The following NEMP1 variants were observed in gnomAD, a reference collection of about 807,000 sequenced individuals.
NEMP1 encodes the protein transmembrane protein 194.
NEMP1 carries 29 observed loss-of-function variants against 53.7 expected under a neutral mutation model. The ratio of observed to expected loss-of-function variants is 0.54; its 90% CI spans 0.40 to 0.74. NEMP1 has a LOEUF of 0.74. NEMP1 is among the 30% of genes least tolerant of loss of function. The pLI, the probability that NEMP1 is intolerant of heterozygous loss-of-function variation, is 0.00. For synonymous variants in NEMP1, 193 were observed against 192.9 expected, an observed-to-expected ratio of 1.00 and a Z score of 0.00; for missense variants, 477 against 528.6, an observed-to-expected ratio of 0.90 and a Z score of 0.96.
Position 57,060,165 on chromosome 12 carries a change from T to G in NEMP1, c.1155-106A>C, listed in dbSNP as rs1006275533. The G allele has an allele frequency of 9.7e-6, 10 of 1,034,156 alleles. No individual in the cohort carries two copies. In the Admixed American group the frequency reaches 2.3e-4, roughly 23 times the overall value. The allele number at this position is 1,034,156 out of a possible 1,614,324, so 64.1% of individuals were successfully genotyped here. A position where few individuals can be genotyped will look rare whatever the true frequency, so the allele number is the denominator to read the frequency against. On this transcript the variant is annotated intron_variant, in intron 8 of 8. Coordinates refer to ENST00000300128, the MANE Select transcript of NEMP1 (RefSeq NM_001130963.2). ...CCCTCGATATGCTCGCAACTCAAATTATATTAAGTCTAGCCAACATCCTTG... is the reference window on the plus strand; with the variant it reads ...CCCTCGATATGCTCGCAACTCAAATGATATTAAGTCTAGCCAACATCCTTG...
At position 57,061,940 on chromosome 12, in the gene NEMP1, G is replaced by A. The variant is rs541188562; in HGVS notation, c.981-995C>T. ...CTTAAACCCAGGAGGCAGAGGTTGC[G>A]GTGAGCTGAGATAGCACCACTGCAC... On this transcript the variant is annotated intron_variant, in intron 7 of 8. Coordinates refer to ENST00000300128, the MANE Select transcript of NEMP1 (RefSeq NM_001130963.2). Among the ~76,000 whole-genome samples the A allele has an allele frequency of 1.5e-3, 230 of 151,338 alleles. 1 individual carries two copies. Among genetic ancestry groups the A allele is most frequent in the Middle Eastern group, 0.01 (3 of 288 alleles).
In NEMP1 at chr12:57,078,687, G is replaced by A. The variant is rs1484229272; in HGVS notation, c.59C>T (p.Ser20Leu). 5.0e-6 allele frequency: 8 copies of A among 1,613,316 alleles called. No homozygotes were observed. Among genetic ancestry groups the A allele is most frequent in the South Asian group, 1.1e-5 (1 of 90,938 alleles). ...SPAVGPGPWG[S>L]GVGGGGTVRL... Reference sequence around the variant, plus strand: ...CACTGTCCCACCGCCCCCGACTCCCGAGCCCCAGGGCCCGGGACCAACTGC... The same window carrying A: ...CACTGTCCCACCGCCCCCGACTCCCAAGCCCCAGGGCCCGGGACCAACTGC... Residue 20 changes from serine to leucine, a missense_variant, in exon 1 of 9, where the codon TCG (serine) becomes TTG (leucine). Physicochemically the swap from Ser to Leu is moderately radical, Grantham distance 145. Transcript: ENST00000300128.
chr12:57,084,735 C>T (rs1003647562), intron 1 of NEMP1, among the ~76,000 whole-genome samples: 6 of 152,056 alleles, frequency 3.9e-5, no homozygotes, highest in Admixed American at 1.3e-4. Context: ...ACACAAATAA[C>T]TATAATAATG....
rs574524433 is a variant in NEMP1 at position 57,063,411 on chromosome 12, A to G, written c.755-67T>C. 2.0e-4 allele frequency: 263 copies of G among 1,339,668 alleles called. No individual in the cohort carries two copies. The African/African-American group carries it at 3.4e-3, about 17-fold the overall frequency. The allele number at this position is 1,339,668 out of a possible 1,614,324, so 83.0% of individuals were successfully genotyped here. On this transcript the variant is annotated intron_variant, in intron 6 of 8. Coordinates refer to ENST00000300128, the MANE Select transcript of NEMP1 (RefSeq NM_001130963.2). Reference sequence around the variant, plus strand: ...CTTGGTAAAAATAATTTGTGTGGGAAGCAGTAGTTAATTTACTATATAGCA... The same window carrying G: ...CTTGGTAAAAATAATTTGTGTGGGAGGCAGTAGTTAATTTACTATATAGCA...
At chr12:57,076,293 G>A (rs1341672399) in intron 1 of NEMP1, among the ~76,000 whole-genome samples, 1 of 151,776 alleles carries the variant, frequency 6.6e-6, no homozygotes, top group African/African-American at 2.4e-5. Context: ...GGGAGACCGA[G>A]GTGGGAAGTT....
At chr12:57,068,981 T>C (rs974821942) in intron 4 of NEMP1, among the ~76,000 whole-genome samples, 1 of 152,220 alleles carries the variant, frequency 6.6e-6, no homozygotes, top group Non-Finnish European at 1.5e-5. Flanking sequence ...TTCCATTTCA[T>C]TGTATTGGCT....
In NEMP1 at chr12:57,057,896, C is replaced by G. The variant is rs1221984267; in HGVS notation, c.*1983G>C. 6.6e-6 allele frequency: 1 copy of G among 152,158 alleles called. No individual in the cohort carries two copies. The highest frequency in any genetic ancestry group is 1.5e-5 in the Non-Finnish European group (1 of 68,026). 9.4% of individuals were successfully genotyped at this position (152,158 alleles called of 1,614,324 possible). Reference sequence around the variant, plus strand: ...CCAAAATCTCCAGAGAATCCTGAGACCACTTGCACGAGTTGAATTATTTTT... The same window carrying G: ...CCAAAATCTCCAGAGAATCCTGAGAGCACTTGCACGAGTTGAATTATTTTT... On this transcript the variant is annotated 3_prime_UTR_variant, in exon 9 of 9. Coordinates refer to ENST00000300128, the MANE Select transcript of NEMP1 (RefSeq NM_001130963.2).
At chr12:57,087,449 G>A (rs1250547003) in intron 1 of NEMP1, among the ~76,000 whole-genome samples, 1 of 151,840 alleles carries the variant, frequency 6.6e-6, no homozygotes, top group Non-Finnish European at 1.5e-5. Flanking sequence ...ACCTGAGGTG[G>A]GGGGGGAGGG....
chr12:57,068,625 G>A (rs929304591), intron 4 of NEMP1, among the ~76,000 whole-genome samples: 1 of 152,078 alleles, frequency 6.6e-6, no homozygotes, highest in African/African-American at 2.4e-5. Flanking sequence ...GAGCACAGTG[G>A]CACGATCTCG....
At position 57,072,817 on chromosome 12, in the gene NEMP1, T is replaced by C; in HGVS notation, c.223A>G (p.Lys75Glu). The C allele has an allele frequency of 6.2e-7, 1 of 1,612,502 alleles. No homozygotes were observed. The change falls in exon 2 of 9, where the codon AAA (lysine) becomes GAA (glutamate). Residue 75 changes from lysine to glutamate, a missense_variant. Physicochemically the swap from Lys to Glu is moderately conservative, Grantham distance 56. Coordinates refer to ENST00000300128, the MANE Select transcript of NEMP1 (RefSeq NM_001130963.2). ...ATCCGTGTCCATATATCATGCCATT[T>C]TGGGATAAGCACATTTGTGTAACAG... ...QFCYTNVLIP[K>E]WHDIWTRIQI... is the part of the protein sequence containing the mutation.
rs775503507 is a variant in NEMP1, at chr12:57,056,843, C to G, written c.*3036G>C. The G allele has an allele frequency of 6.6e-6, 1 of 152,138 alleles. No individual in the cohort carries two copies. The highest frequency in any genetic ancestry group is 1.5e-5 in the Non-Finnish European group (1 of 68,030). The allele number at this position is 152,138 out of a possible 1,614,324, so 9.4% of individuals were successfully genotyped here. On this transcript the variant is annotated 3_prime_UTR_variant, in exon 9 of 9. Transcript: ENST00000300128. ...AAAGGGAACACCATCAGTCAAGAGA[C>G]GGCTGGGCCCTAGAATGGAATCTAT...
At position 57,057,057 on chromosome 12, in the gene NEMP1, G is replaced by C. The variant is rs10506351; in HGVS notation, c.*2822C>G. The C allele has an allele frequency of 0.091, 13,780 of 152,186 alleles. 659 individuals are homozygous for C. The highest frequency in any genetic ancestry group is 0.18 in the East Asian group (943 of 5,190). 9.4% of individuals were successfully genotyped at this position (152,186 alleles called of 1,614,324 possible). A position where few individuals can be genotyped will look rare whatever the true frequency, so the allele number is the denominator to read the frequency against. On this transcript the variant is annotated 3_prime_UTR_variant, in exon 9 of 9. Transcript: ENST00000300128. ...TTGTTTTTGATCCCTGTGTTCTGTT[G>C]GTCTCTTGAAGCAATCTGAGTGGGA...
At chr12:57,078,445 C>G (rs1310467996) in intron 1 of NEMP1, among the ~76,000 whole-genome samples, 174 bp downstream of exon 1, 1 of 152,152 alleles carries the variant, frequency 6.6e-6, no homozygotes, top group African/African-American at 2.4e-5. Context: ...GGCCCAGACC[C>G]TCAGTCCCGA....
chr12:57,065,144 T>C (rs1315627141), intron 4 of NEMP1, among the ~76,000 whole-genome samples: 2 of 152,236 alleles, frequency 1.3e-5, no homozygotes, highest in African/African-American at 4.8e-5. Flanking sequence ...TGTTGACTGA[T>C]GAAGGCAGTG....
In NEMP1 at chr12:57,064,099, G is replaced by T; in HGVS notation, c.726C>A (p.Ile242=). Residue 242 remains isoleucine, a synonymous_variant, in exon 6 of 9, where the codon ATC becomes ATA. Transcript: ENST00000300128. ...IQLVFKNLQE[I]WRCYWQYLLS... is the part of the protein sequence containing the mutation. ...AAAGATACTGCCAGTAACACCTCCA[G>T]ATCTCTTGTAAATTTTTAAAAACTA... is the stretch of plus-strand genomic sequence containing the variant. 1 of 1,609,218 alleles carries T rather than the reference G, an allele frequency of 6.2e-7. No homozygotes were observed. Among genetic ancestry groups the T allele is most frequent in the Non-Finnish European group, 8.5e-7 (1 of 1,177,602 alleles).
intron 1 of NEMP1, among the ~76,000 whole-genome samples, chr12:57,087,730 C>T (rs957303247): frequency 6.6e-6 from 1 of 152,184 alleles, no homozygotes; most frequent in Non-Finnish European, 1.5e-5. Context: ...GCCTCCACGC[C>T]CCGCCATGCC....
chr12:57,080,893 C>T (rs77305377), upstream of NEMP1, among the ~76,000 whole-genome samples: 2 of 86,994 alleles, frequency 2.3e-5, no homozygotes, highest in South Asian at 7.5e-4. Context: ...TCTCTTGTCT[C>T]AAAAAAAAAA....
intron 7 of NEMP1, among the ~76,000 whole-genome samples, chr12:57,062,143 ATAAGAC>A (rs2031841644): frequency 6.6e-6 from 1 of 152,230 alleles, no homozygotes; most frequent in African/African-American, 2.4e-5. Flanking sequence ...ACATCTTAAA[ATAAGAC>A]TAAGACCTCC....
At position 57,070,757 on chromosome 12, in the gene NEMP1, T is replaced by C; in HGVS notation, c.389A>G (p.Asn130Ser). The C allele has an allele frequency of 3.1e-6, 5 of 1,601,660 alleles. No homozygotes were observed. Among genetic ancestry groups the C allele is most frequent in the Non-Finnish European group, 4.3e-6 (5 of 1,173,246 alleles). Residue 130 changes from asparagine to serine, a missense_variant, in exon 3 of 9, where the codon AAC becomes AGC. Coordinates refer to ENST00000300128, the MANE Select transcript of NEMP1 (RefSeq NM_001130963.2). ...GGTTTTTGTGCTGTATAGACCCACG[T>C]TAACATAGGTGTCATTCAATTTCTC... is the stretch of plus-strand genomic sequence containing the variant. ...LKEKLNDTYV[N>S]VGLYSTKTCL...
Sources: gnomAD v4.1 joint callset for allele counts (sites outside exome capture counted in the v4.1 genomes callset) on GRCh38, gnomAD v4.1.1 for gene constraint, MANE v1.5 for transcripts, NCBI Gene and HGNC (gene_info 2026-07-23, HGNC 2026-07-21) for gene names.